The following GRIP1 variants were observed in gnomAD, a reference collection of about 807,000 sequenced individuals.
GRIP1 encodes glutamate receptor-interacting protein 1.
A neutral mutation model predicts 129.9 loss-of-function variants in GRIP1; 45 were observed. The ratio of observed to expected loss-of-function variants is 0.35; its 90% CI spans 0.27 to 0.44. The LOEUF is 0.44. Ranked by LOEUF, GRIP1 falls within the 20% of genes least tolerant of loss-of-function variation. GRIP1 has a pLI of 1.00. For synonymous variants in GRIP1, 530 were observed against 520.8 expected (o/e 1.02, Z -0.24); for missense variants, 1,196 against 1,396.8 (o/e 0.86, Z 2.29).
At chr12:66,574,008 C>A (rs966982215) in intron 2 of GRIP1, among the ~76,000 whole-genome samples, 1 of 152,122 alleles carries the variant, frequency 6.6e-6, no homozygotes, top group Admixed American at 6.5e-5. Flanking sequence ...AACTATTGAT[C>A]TTTTTTTCCC....
chr12:66,373,798 T>C (rs1338344340), intron 22 of GRIP1, among the ~76,000 whole-genome samples: 1 of 152,230 alleles, frequency 6.6e-6, no homozygotes, highest in Non-Finnish European at 1.5e-5. Context: ...AGATTGCATG[T>C]AGAATATCAT....
chr12:66,614,163 A>G (rs565272938), intron 1 of GRIP1, among the ~76,000 whole-genome samples: 1 of 151,816 alleles, frequency 6.6e-6, no homozygotes, highest in Admixed American at 6.6e-5. Context: ...TCTTTTATTT[A>G]TGCCCCTTCT....
At chr12:66,578,635 C>T (rs559343102) in intron 2 of GRIP1, among the ~76,000 whole-genome samples, 15 of 152,320 alleles carry the variant, frequency 9.8e-5, no homozygotes, top group South Asian at 2.1e-4. Flanking sequence ...GGTCCTATGC[C>T]CACGGAGTCT....
intron 16 of GRIP1, among the ~76,000 whole-genome samples, chr12:66,397,174 A>G (rs2056824765): frequency 6.6e-6 from 1 of 151,210 alleles, no homozygotes; most frequent in South Asian, 2.1e-4. Context: ...ATCAAAAGCA[A>G]TGAGTAGATC....
chr12:66,921,788 A>G (rs1365613027), intron 1 of GRIP1, among the ~76,000 whole-genome samples: 10 of 152,222 alleles, frequency 6.6e-5, no homozygotes, highest in Non-Finnish European at 1.5e-4. Context: ...AATCAGTTCT[A>G]TAGATCTAAA....
intron 1 of GRIP1, among the ~76,000 whole-genome samples, chr12:66,654,485 C>T (rs2033012651): frequency 1.3e-5 from 2 of 152,054 alleles, no homozygotes; most frequent in African/African-American, 2.4e-5. Flanking sequence ...GTTGCTTGGT[C>T]CCTGGTTAAG....
rs369343370 is a variant in GRIP1, at chr12:66,993,235, A to T, written c.58+75815T>A. On this transcript the variant is annotated intron_variant, in intron 1 of 1. Coordinates refer to the GRIP1 transcript ENST00000643019. ...TAGAGGGAAATTTATAGCTGGAAACACCTATATCAGAAAGGAGAAATATTT... is the reference window on the plus strand; with the variant it reads ...TAGAGGGAAATTTATAGCTGGAAACTCCTATATCAGAAAGGAGAAATATTT... Among the ~76,000 whole-genome samples, 9 of 152,238 alleles carry T rather than the reference A, an allele frequency of 5.9e-5. No individual in the cohort carries two copies. In the East Asian group the frequency reaches 1.4e-3, roughly 23 times the overall value.
At chr12:67,048,859 C>G (rs2043296573) in intron 1 of GRIP1, among the ~76,000 whole-genome samples, 1 of 152,182 alleles carries the variant, frequency 6.6e-6, no homozygotes, top group South Asian at 2.1e-4. Flanking sequence ...TGCCTTCCAC[C>G]ATGATCGTGA....
Position 66,539,211 on chromosome 12 carries a change from C to T in GRIP1, c.285G>A (p.Leu95=). The change falls in exon 4 of 25, where the codon CTG becomes CTA. Residue 95 remains leucine (L), a synonymous_variant. Transcript: ENST00000359742. ...CTGCTTTGATGTAGTCACCCACATC[C>T]AGCTGGTCACTTCTGCAAAATAGAC... The part of the protein sequence containing the change: ...QGGIAARSDQ[L]DVGDYIKAVN... 1.9e-6 allele frequency: 3 copies of T among 1,614,056 alleles called. No homozygotes were observed. The highest frequency in any genetic ancestry group is 2.5e-6 in the Non-Finnish European group (3 of 1,179,944).
intron 1 of GRIP1, among the ~76,000 whole-genome samples, chr12:66,754,094 T>C (rs1047838419): frequency 6.6e-6 from 1 of 152,230 alleles, no homozygotes; most frequent in Non-Finnish European, 1.5e-5. Flanking sequence ...TCCTCTTAGT[T>C]GCCCCTTAGG....
intron 1 of GRIP1, among the ~76,000 whole-genome samples, chr12:67,061,949 T>C (rs1592531261): frequency 8.9e-6 from 1 of 111,924 alleles, no homozygotes; most frequent in African/African-American, 3.5e-5. Flanking sequence ...ATTCTGATTC[T>C]AATCAGTACT....
chr12:66,445,233 G>A (rs2138111079), intron 12 of GRIP1, 89 bp downstream of exon 12: 1 of 1,021,742 alleles, frequency 9.8e-7, no homozygotes, highest in Non-Finnish European at 1.5e-6. Context: ...CCTGCATTGA[G>A]CAATGTTTCA....
chr12:66,520,668 G>GT (rs755290726), intron 5 of GRIP1, among the ~76,000 whole-genome samples: 18 of 152,190 alleles, frequency 1.2e-4, no homozygotes, highest in Non-Finnish European at 2.2e-4. Context: ...TGGGAAGGGT[G>GT]TTTTACTAAC....
At chr12:66,410,672 G>A (rs7307506) in intron 15 of GRIP1, among the ~76,000 whole-genome samples, 520 of 47,004 alleles carry the variant, frequency 0.011, 2 homozygotes, top group Middle Eastern at 0.1. Flanking sequence ...CAAACAAACA[G>A]ACAAACAATG....
In GRIP1 at chr12:66,477,464, T is replaced by C. The variant is rs371175025; in HGVS notation, c.725-12042A>G. Among the ~76,000 whole-genome samples the C allele has an allele frequency of 2.0e-4, 30 of 152,106 alleles. 2 individuals carry two copies. The East Asian group carries it at 4.6e-3, about 23-fold the overall frequency. On this transcript the variant is annotated intron_variant, in intron 7 of 24. Coordinates refer to ENST00000359742, the MANE Select transcript of GRIP1 (RefSeq NM_001366722.1). ...AATGGCCATACTGCCCCAGGTAATT[T>C]ATAGATTCAATGCCATCCCCATCAA...
chr12:66,467,073 C>T (rs902326535), intron 7 of GRIP1, among the ~76,000 whole-genome samples: 2 of 152,146 alleles, frequency 1.3e-5, no homozygotes, highest in East Asian at 3.9e-4. Flanking sequence ...TGTATTAACA[C>T]CATGTTTCCT....
chr12:66,594,148 C>T (rs532831400), intron 2 of GRIP1, among the ~76,000 whole-genome samples: 5 of 151,746 alleles, frequency 3.3e-5, no homozygotes, highest in African/African-American at 1.2e-4. Flanking sequence ...GGTCAATGGC[C>T]CTGGAGCTGC....
intron 1 of GRIP1, among the ~76,000 whole-genome samples, chr12:66,659,515 A>G (rs1009306901): frequency 1.3e-5 from 2 of 152,256 alleles, no homozygotes; most frequent in Non-Finnish European, 2.9e-5. Flanking sequence ...TTCCACATGC[A>G]TTAATACAGT....
At chr12:66,751,309 C>A (rs552111552) in intron 1 of GRIP1, among the ~76,000 whole-genome samples, 2 of 152,180 alleles carry the variant, frequency 1.3e-5, no homozygotes, top group African/African-American at 2.4e-5. Context: ...TAGAGGAGTT[C>A]GGTGAGTAGA....
Sources: gnomAD v4.1 joint callset for allele counts (sites outside exome capture counted in the v4.1 genomes callset) on GRCh38, gnomAD v4.1.1 for gene constraint, MANE v1.5 for transcripts, NCBI Gene and HGNC (gene_info 2026-07-23, HGNC 2026-07-21) for gene names.